USP32: variants seen among roughly 807,000 people sequenced by gnomAD.
The protein encoded by USP32 is ubiquitin carboxyl-terminal hydrolase 32.
In USP32, 59 loss-of-function variants were observed where a neutral mutation model predicts 204.8. That is an observed-to-expected ratio of 0.29 (90% CI 0.23 to 0.36). The LOEUF (loss-of-function observed/expected upper bound fraction) is 0.36. USP32 is among the 10% of genes least tolerant of loss of function. The pLI is 1.00. For missense variants in USP32, 1,160 were observed against 1,946.4 expected (o/e 0.60, Z 7.60); for synonymous variants, 517 against 678.4 (o/e 0.76, Z 3.70).
chr17:60,291,176 T>C (rs913635439), intron 4 of USP32, among the ~76,000 whole-genome samples: 1 of 152,218 alleles, frequency 6.6e-6, no homozygotes, highest in Admixed American at 6.5e-5. Flanking sequence ...GTTAGCACAC[T>C]GCCTGTCTAA....
chr17:60,265,867 T>C, intron 8 of USP32, 109 bp downstream of exon 8: 2 of 814,514 alleles, frequency 2.5e-6, no homozygotes, highest in Non-Finnish European at 1.9e-6. Flanking sequence ...TAGCATAATG[T>C]AGTAACTAAA....
chr17:60,188,977 G>A (rs1182669095), intron 29 of USP32, among the ~76,000 whole-genome samples: 3 of 152,210 alleles, frequency 2.0e-5, no homozygotes, highest in East Asian at 1.9e-4. Flanking sequence ...CACGTAGGCC[G>A]TTTCCTATAA....
chr17:60,210,129 T>C (rs1452565883), intron 21 of USP32, among the ~76,000 whole-genome samples: 1 of 152,006 alleles, frequency 6.6e-6, no homozygotes, highest in Non-Finnish European at 1.5e-5. Flanking sequence ...TTAATTAGAA[T>C]AGTGCCTGGC....
chr17:60,236,309 C>G (rs1360878421), intron 11 of USP32, 69 bp from the exon 12 acceptor site: 1 of 1,339,492 alleles, frequency 7.5e-7, no homozygotes, highest in Non-Finnish European at 1.1e-6. Flanking sequence ...CAAAAATTAT[C>G]ATTAGAAGTT....
At chr17:60,252,187 T>C (rs1332927790) in intron 11 of USP32, among the ~76,000 whole-genome samples, 194 bp downstream of exon 11, 4 of 152,154 alleles carry the variant, frequency 2.6e-5, no homozygotes, top group African/African-American at 9.7e-5. Context: ...TAATGTTAAA[T>C]AGAATTTGCC....
intron 2 of USP32, among the ~76,000 whole-genome samples, chr17:60,336,691 G>A (rs1440054281): frequency 6.9e-6 from 1 of 145,734 alleles, no homozygotes; most frequent in Non-Finnish European, 1.5e-5. Context: ...ACTCCAGCCT[G>A]GGAGACAGAG....
At position 60,244,047 on chromosome 17, in the gene USP32, T is replaced by G. The variant is rs1233707327; in HGVS notation, c.1137-7807A>C. 2.1e-5 allele frequency among the ~76,000 whole-genome samples: 3 copies of G among 140,770 alleles called. No homozygotes were observed. The East Asian group carries it at 6.0e-4, about 28-fold the overall frequency. The allele number at this position is 140,770 out of a possible 152,430, so 92.4% of individuals were successfully genotyped here. A position where few individuals can be genotyped will look rare whatever the true frequency, so the allele number is the denominator to read the frequency against. On this transcript the variant is annotated intron_variant, in intron 11 of 33. Coordinates refer to ENST00000300896, the MANE Select transcript of USP32 (RefSeq NM_032582.4). ...GGATTGTGTTTTTTTTTTTTTTTTT[T>G]TTTTTTGAGATGGAGTCTAGCTCTG...
At chr17:60,352,111 C>T (rs570455511) in intron 1 of USP32, among the ~76,000 whole-genome samples, 1 of 152,124 alleles carries the variant, frequency 6.6e-6, no homozygotes, top group East Asian at 1.9e-4. Flanking sequence ...CAAAACAGAA[C>T]CCTGACTTTA....
chr17:60,272,136 C>G (rs898292813), intron 5 of USP32, among the ~76,000 whole-genome samples: 82 of 152,280 alleles, frequency 5.4e-4, no homozygotes, highest in African/African-American at 1.8e-3. Flanking sequence ...TTTTCAATCT[C>G]TATCTTGGAT....
At chr17:60,341,931 T>A (rs960326926) in intron 2 of USP32, among the ~76,000 whole-genome samples, 6 of 152,228 alleles carry the variant, frequency 3.9e-5, no homozygotes, top group Non-Finnish European at 8.8e-5. Context: ...TTCTCCATCC[T>A]GCTTTGTTCT....
chr17:60,382,934 A>T (rs1235434657), intron 1 of USP32, among the ~76,000 whole-genome samples: 1 of 152,156 alleles, frequency 6.6e-6, no homozygotes, highest in Non-Finnish European at 1.5e-5. Flanking sequence ...AGGACTATTT[A>T]TTTTTAACTA....
chr17:60,393,627 C>A (rs1009744811), upstream of USP32, among the ~76,000 whole-genome samples: 1 of 151,872 alleles, frequency 6.6e-6, no homozygotes, highest in Non-Finnish European at 1.5e-5. Context: ...TTATTAGTTC[C>A]TAAAACCAAC....
intron 5 of USP32, among the ~76,000 whole-genome samples, chr17:60,280,106 T>C (rs564859661): frequency 2.0e-5 from 3 of 151,960 alleles, no homozygotes; most frequent in Non-Finnish European, 4.4e-5. Flanking sequence ...TTATTATTAT[T>C]ATTTTTTGAG....
At chr17:60,378,592 A>T (rs1241391462) in intron 1 of USP32, among the ~76,000 whole-genome samples, 1 of 152,210 alleles carries the variant, frequency 6.6e-6, no homozygotes, top group Non-Finnish European at 1.5e-5. Context: ...TGTAGTATAT[A>T]CAAATTATTC....
chr17:60,376,924 A>G (rs1323293866), intron 1 of USP32, among the ~76,000 whole-genome samples: 1 of 152,212 alleles, frequency 6.6e-6, no homozygotes, highest in Non-Finnish European at 1.5e-5. Flanking sequence ...CACTGCCCAG[A>G]GACAAAAATC....
intron 26 of USP32, among the ~76,000 whole-genome samples, chr17:60,199,976 A>G (rs2084632205): frequency 6.6e-6 from 1 of 152,132 alleles, no homozygotes; most frequent in African/African-American, 2.4e-5. Flanking sequence ...CGGGCGGATC[A>G]TGAGGTCAGG....
exon 1 of USP32, chr17:60,422,327 A>C: frequency 1.3e-6 from 1 of 746,938 alleles, no homozygotes; most frequent in Non-Finnish European, 2.0e-6. Context: ...GCGCTCTGCC[A>C]AAGTCTTCGC....
intron 1 of USP32, among the ~76,000 whole-genome samples, chr17:60,360,329 T>C (rs1272233037): frequency 2.6e-5 from 4 of 151,606 alleles, no homozygotes; most frequent in Non-Finnish European, 4.4e-5. Flanking sequence ...CAAAAATTAT[T>C]TTTTGTATTT....
intron 11 of USP32, among the ~76,000 whole-genome samples, chr17:60,251,432 T>C (rs143049340): frequency 2.0e-4 from 31 of 152,338 alleles, no homozygotes; most frequent in Admixed American, 1.4e-3. Flanking sequence ...AACAACTCTA[T>C]TTTAGTAAAC....
Sources: allele counts gnomAD v4.1 joint callset (sites outside exome capture counted in the v4.1 genomes callset), GRCh38; gene constraint gnomAD v4.1.1; transcripts MANE v1.5; gene names NCBI Gene and HGNC (gene_info 2026-07-23, HGNC 2026-07-21).